Variants in KAT6A observed in about 807,000 individuals in gnomAD.
The protein encoded by KAT6A is histone acetyltransferase KAT6A.
A neutral mutation model predicts 198.4 loss-of-function variants in KAT6A; 9 were observed. That is an observed-to-expected ratio of 0.05 (90% CI 0.03 to 0.08). KAT6A has a LOEUF of 0.08. KAT6A is among the 10% of genes least tolerant of loss of function. The probability of loss-of-function intolerance (pLI) is 1.00; values close to 1 mark genes in which losing one functional copy is unlikely to be tolerated. For synonymous variants in KAT6A, 890 were observed against 883.0 expected, an observed-to-expected ratio of 1.01 and a Z score of -0.14; for missense variants, 2,077 against 2,509.9, an observed-to-expected ratio of 0.83 and a Z score of 3.69.
intron 4 of KAT6A, 42 bp downstream of exon 4, chr8:41,981,797 C>G (rs556087574): frequency 1.7e-6 from 2 of 1,186,302 alleles, no homozygotes; most frequent in East Asian, 2.3e-5. Flanking sequence ...GTACATTCTA[C>G]TACTAAATGA....
At chr8:41,989,196 T>G (rs1824780917) in intron 2 of KAT6A, among the ~76,000 whole-genome samples, 1 of 152,122 alleles carries the variant, frequency 6.6e-6, no homozygotes, top group Admixed American at 6.6e-5. Flanking sequence ...GAGCTTAGTT[T>G]GGGGCTTACT....
intron 2 of KAT6A, among the ~76,000 whole-genome samples, chr8:42,039,107 G>C (rs1302093028): frequency 6.6e-6 from 1 of 152,176 alleles, no homozygotes; most frequent in Non-Finnish European, 1.5e-5. Context: ...CTGGGAACCA[G>C]CTGCAGCTGA....
At chr8:41,964,980 G>C (rs1823391726) in intron 8 of KAT6A, among the ~76,000 whole-genome samples, 1 of 152,124 alleles carries the variant, frequency 6.6e-6, no homozygotes, top group Non-Finnish European at 1.5e-5. Context: ...ATAAAAGGGG[G>C]ATTACTGTAA....
At chr8:42,004,797 G>A (rs960361939) in intron 2 of KAT6A, among the ~76,000 whole-genome samples, 3 of 151,992 alleles carry the variant, frequency 2.0e-5, no homozygotes, top group African/African-American at 7.2e-5. Context: ...GTGTGGTGGT[G>A]TGCGCCTGTA....
intron 6 of KAT6A, among the ~76,000 whole-genome samples, chr8:41,977,900 T>C (rs1210110273): frequency 6.6e-6 from 1 of 152,220 alleles, no homozygotes; most frequent in Non-Finnish European, 1.5e-5. Flanking sequence ...TTCAGTTATA[T>C]CACCTTCAAG....
In KAT6A at chr8:41,946,597, C is replaced by G; in HGVS notation, c.1990G>C (p.Asp664His). 1 of 1,546,882 alleles carries G rather than the reference C, an allele frequency of 6.5e-7. No individual in the cohort carries two copies. ...QRKGYGRFLI[D>H]FSYLLSKREG... ...AAATTAATATAATCCTTACTGAAAT[C>G]GATGAGAAACCTGCCATAGCCCTTA... Residue 664 changes from aspartate (D) to histidine (H), a missense_variant, in exon 12 of 17, where the codon GAT (aspartate) becomes CAT (histidine). Physicochemically the swap from Asp to His is moderately conservative, Grantham distance 81. Around this residue, in one of 13 missense-constraint regions of KAT6A, gnomAD observed 127 missense variants for 209.6 expected, o/e 0.61. Coordinates refer to ENST00000265713, the MANE Select transcript of KAT6A (RefSeq NM_006766.5).
rs747859416 is a variant in KAT6A at position 41,947,926 on chromosome 8, C to T, written c.1741-14G>A. ...ATTCCCATCAACCTAGAGAAATAAA[C>T]AGAACAAAACAGTCAGTAGAGGGTC... is the stretch of plus-strand genomic sequence containing the variant. On this transcript the variant is annotated splice_polypyrimidine_tract_variant and intron_variant, in intron 10 of 16. Coordinates refer to ENST00000265713, the MANE Select transcript of KAT6A (RefSeq NM_006766.5). 26 of 1,574,092 alleles carry T rather than the reference C, an allele frequency of 1.7e-5. No homozygotes were observed. The highest frequency in any genetic ancestry group is 8.6e-7 in the Non-Finnish European group (1 of 1,165,750).
At chr8:42,037,062 C>CA (rs1156996333) in intron 2 of KAT6A, among the ~76,000 whole-genome samples, 1 of 152,124 alleles carries the variant, frequency 6.6e-6, no homozygotes, top group Non-Finnish European at 1.5e-5. Flanking sequence ...CAATGGTTCT[C>CA]AACCCCAGCT....
intron 2 of KAT6A, among the ~76,000 whole-genome samples, chr8:42,038,526 C>CA (rs34790168): frequency 0.26 from 38,785 of 152,076 alleles, 5,425 homozygotes; most frequent in Middle Eastern, 0.43. Flanking sequence ...TACTATAAAG[C>CA]AGTACTACAG....
chr8:42,012,309 C>T (rs1171127268), intron 2 of KAT6A, among the ~76,000 whole-genome samples: 3 of 152,184 alleles, frequency 2.0e-5, no homozygotes, highest in Non-Finnish European at 4.4e-5. Flanking sequence ...CCACAGACAG[C>T]TCATCCTAAT....
At chr8:42,010,296 C>T (rs1169270376) in intron 2 of KAT6A, among the ~76,000 whole-genome samples, 3 of 152,100 alleles carry the variant, frequency 2.0e-5, no homozygotes, top group African/African-American at 7.2e-5. Context: ...CTGGTATTGT[C>T]AATACCATCT....
At chr8:41,961,648 G>A (rs1302520943) in intron 8 of KAT6A, among the ~76,000 whole-genome samples, 1 of 151,336 alleles carries the variant, frequency 6.6e-6, no homozygotes, top group Non-Finnish European at 1.5e-5. Context: ...AGCTACTCGG[G>A]AGGCTGAGGC....
intron 2 of KAT6A, among the ~76,000 whole-genome samples, chr8:42,003,375 G>C (rs765824923): frequency 2.6e-5 from 4 of 151,948 alleles, no homozygotes; most frequent in Non-Finnish European, 4.4e-5. Flanking sequence ...ATCAGGCAGC[G>C]GGCCTTCCTC....
intron 10 of KAT6A, among the ~76,000 whole-genome samples, chr8:41,948,891 CAG>C (rs759429082): frequency 6.9e-6 from 1 of 144,762 alleles, no homozygotes; most frequent in Non-Finnish European, 1.5e-5. Flanking sequence ...AATCACAGAG[CAG>C]AGGTCACACA....
chr8:41,978,712 C>T lies in KAT6A; in HGVS notation c.973G>A (p.Ala325Thr), dbSNP rs1288241973. The T allele has an allele frequency of 3.1e-6, 5 of 1,613,778 alleles. No individual in the cohort carries two copies. Among genetic ancestry groups the T allele is most frequent in the Admixed American group, 1.7e-5 (1 of 59,998 alleles). ...TTAGTATAGCGCCGTTTTATCTGTG[C>T]TGCCTTCTTTTGTAGAAGTTTTCGT... The part of the protein sequence containing the change: ...KGRKLLQKKA[A>T]QIKRRYTNPI... The change falls in exon 6 of 17, where the codon GCA (alanine) becomes ACA (threonine). Residue 325 changes from alanine (A) to threonine (T), a missense_variant. Transcript: ENST00000265713.
At chr8:41,994,596 C>T (rs1825102294) in intron 2 of KAT6A, among the ~76,000 whole-genome samples, 1 of 152,040 alleles carries the variant, frequency 6.6e-6, no homozygotes, top group Admixed American at 6.6e-5. Flanking sequence ...AGCAACCCAC[C>T]AACCCCAATA....
chr8:41,950,033 CAT>C (rs1439934223), intron 9 of KAT6A, among the ~76,000 whole-genome samples: 3 of 152,170 alleles, frequency 2.0e-5, no homozygotes, highest in African/African-American at 7.2e-5. Context: ...CAAAATCTCT[CAT>C]GTTAGCCACA....
At position 41,934,608 on chromosome 8, in the gene KAT6A, G is replaced by A. The variant is rs372970932; in HGVS notation, c.3612C>T (p.Ile1204=). The A allele has an allele frequency of 1.8e-5, 29 of 1,613,922 alleles. No homozygotes were observed. In the African/African-American group the frequency reaches 3.2e-4, roughly 18 times the overall value. ...SIPKAGRKPK[I]QESEETVEPK... Reference sequence around the variant, plus strand: ...GCTCAACAGTTTCTTCACTCTCCTGGATCTTGGGTTTACGTCCAGCTTTAG... The same window carrying A: ...GCTCAACAGTTTCTTCACTCTCCTGAATCTTGGGTTTACGTCCAGCTTTAG... The change falls in exon 17 of 17, where the codon ATC becomes ATT. Residue 1204 remains isoleucine (I), a synonymous_variant. Coordinates refer to ENST00000265713, the MANE Select transcript of KAT6A (RefSeq NM_006766.5).
chr8:41,948,030 G>A lies in KAT6A; in HGVS notation c.1741-118C>T, dbSNP rs1262252506. ...GTCCAGACTAGGAGAAGGTGTCCAT[G>A]ACCAGAACACTTTGGAACCTGGAAG... On this transcript the variant is annotated intron_variant, in intron 10 of 16. Coordinates refer to ENST00000265713, the MANE Select transcript of KAT6A (RefSeq NM_006766.5). The A allele has an allele frequency of 9.3e-6, 7 of 756,656 alleles. No homozygotes were observed. The East Asian group carries it at 1.2e-4, about 13-fold the overall frequency. The allele number at this position is 756,656 out of a possible 1,614,324, so 46.9% of individuals were successfully genotyped here.
Sources: gnomAD v4.1 joint callset for allele counts (sites outside exome capture counted in the v4.1 genomes callset) on GRCh38, gnomAD v4.1.1 for gene constraint, gnomAD v4.1.1 regional missense constraint, MANE v1.5 for transcripts, NCBI Gene and HGNC (gene_info 2026-07-23, HGNC 2026-07-21) for gene names.